RNF168: variants seen among roughly 807,000 people sequenced by gnomAD.
RNF168 encodes the protein ring finger protein 168, also known as E3 ubiquitin-protein ligase RNF168.
Under a neutral mutation model 34.9 loss-of-function variants are expected in RNF168, and 34 were observed. The ratio of observed to expected loss-of-function variants is 0.97; its 90% CI spans 0.74 to 1.30. RNF168 has a LOEUF of 1.30. Among genes scored for constraint, RNF168 ranks in the 50% most tolerant of loss-of-function variants. The probability of loss-of-function intolerance (pLI) is 0.00; values close to 1 mark genes in which losing one functional copy is unlikely to be tolerated. For missense variants in RNF168, 725 were observed against 682.5 expected, an observed-to-expected ratio of 1.06 and a Z score of -0.69; for synonymous variants, 264 against 254.7, an observed-to-expected ratio of 1.04 and a Z score of -0.35.
At chr3:196,476,439 C>T (rs185925702) in intron 4 of RNF168, among the ~76,000 whole-genome samples, 316 of 146,948 alleles carry the variant, frequency 2.2e-3, no homozygotes, top group African/African-American at 6.8e-3. Context: ...TTTTCTGAGA[C>T]GGAGTCTTGC....
intron 4 of RNF168, among the ~76,000 whole-genome samples, chr3:196,481,985 A>G (rs1217341620): frequency 7.5e-6 from 1 of 133,448 alleles, no homozygotes; most frequent in Non-Finnish European, 1.6e-5. Context: ...TTTTTTTTAG[A>G]GACAGGATCT....
chr3:196,487,548 C>T lies in RNF168; in HGVS notation c.409G>A (p.Glu137Lys), dbSNP rs946161793. Residue 137 changes from glutamate (E) to lysine (K), a missense_variant, in exon 3 of 6, where the codon GAA (glutamate) becomes AAA (lysine). Physicochemically the swap from Glu to Lys is moderately conservative, Grantham distance 56 (BLOSUM62 1). Transcript: ENST00000318037. ...VAAERRASEE[E>K]ENKASEEYIQ... ...TATTCTTCACTGGCTTTGTTTTCTTCTTCCTCGCTGGCCCGTCGCTCTGCC... is the reference window on the plus strand; with the variant it reads ...TATTCTTCACTGGCTTTGTTTTCTTTTTCCTCGCTGGCCCGTCGCTCTGCC... 1 of 1,614,092 alleles carries T rather than the reference C, an allele frequency of 6.2e-7. No homozygotes were observed. The highest frequency in any genetic ancestry group is 1.3e-5 in the African/African-American group (1 of 74,916).
chr3:196,472,212 T>C lies in RNF168; in HGVS notation c.1323A>G (p.Lys441=), dbSNP rs1460435867. Residue 441 remains lysine, a synonymous_variant, in exon 6 of 6, where the codon AAA becomes AAG. Coordinates refer to ENST00000318037, the MANE Select transcript of RNF168 (RefSeq NM_152617.4). ...DLEHLLFERH[K]QEEQDRLLAL... ...CCAATAACCTGTCCTGTTCTTCTTGTTTATGTCTCTCAAACAGTAGATGCT... is the reference window on the plus strand; with the variant it reads ...CCAATAACCTGTCCTGTTCTTCTTGCTTATGTCTCTCAAACAGTAGATGCT... The C allele has an allele frequency of 6.2e-7, 1 of 1,614,048 alleles. No individual in the cohort carries two copies. The highest frequency in any genetic ancestry group is 8.5e-7 in the Non-Finnish European group (1 of 1,179,922).
At chr3:196,496,121 A>T (rs1028393925) in intron 1 of RNF168, among the ~76,000 whole-genome samples, 5 of 152,334 alleles carry the variant, frequency 3.3e-5, no homozygotes, top group Non-Finnish European at 4.4e-5. Context: ...AAAATTTTTT[A>T]AAATTTACTT....
In RNF168 at chr3:196,484,171, C is replaced by CTTT. The variant is rs71699491; in HGVS notation, c.559-283_559-281dup. On this transcript the variant is annotated intron_variant, in intron 3 of 5. Coordinates refer to ENST00000318037, the MANE Select transcript of RNF168 (RefSeq NM_152617.4). ...GATAATTCCTGTTGATCTTTCTTTCCTTTTTTTTTTTTTTTTTGAGACGCA... is the reference window on the plus strand; with the variant it reads ...GATAATTCCTGTTGATCTTTCTTTCCTTTTTTTTTTTTTTTTTTTTGAGACGCA... 2.8e-4 allele frequency among the ~76,000 whole-genome samples: 34 copies of CTTT among 119,456 alleles called. 5 individuals are homozygous for CTTT. In the South Asian group the frequency reaches 4.3e-3, roughly 15 times the overall value. The allele number at this position is 119,456 out of a possible 152,430, so 78.4% of individuals were successfully genotyped here. A position where few individuals can be genotyped will look rare whatever the true frequency, so the allele number is the denominator to read the frequency against.
At chr3:196,492,874 T>C (rs1006962277) in intron 1 of RNF168, among the ~76,000 whole-genome samples, 5 of 152,120 alleles carry the variant, frequency 3.3e-5, no homozygotes, top group African/African-American at 1.2e-4. Flanking sequence ...TATATCAATG[T>C]GGCTGTATTA....
At position 196,471,029 on chromosome 3, in the gene RNF168, A is replaced by AC. The variant is rs1731986399; in HGVS notation, c.*789_*790insG. On this transcript the variant is annotated 3_prime_UTR_variant, in exon 6 of 6. Coordinates refer to ENST00000318037, the MANE Select transcript of RNF168 (RefSeq NM_152617.4). Reference sequence around the variant, plus strand: ...CCCATCTCTACTAAAAGTACAAAAAAAAAAAAAAATTAGCTGGGTAGCTGG... The same window carrying AC: ...CCCATCTCTACTAAAAGTACAAAAAACAAAAAAAAATTAGCTGGGTAGCTGG... 6.6e-6 allele frequency: 1 copy of AC among 150,686 alleles called. No homozygotes were observed. Among genetic ancestry groups the AC allele is most frequent in the African/African-American group, 2.4e-5 (1 of 40,936 alleles). 9.3% of individuals were successfully genotyped at this position (150,686 alleles called of 1,614,324 possible).
intron 1 of RNF168, among the ~76,000 whole-genome samples, chr3:196,495,855 T>C (rs1312080253): frequency 6.6e-6 from 1 of 152,246 alleles, no homozygotes; most frequent in Non-Finnish European, 1.5e-5. Context: ...TTAGACATTC[T>C]AAGGCTGATT....
rs1732951453 is a variant in RNF168, at chr3:196,503,304, G to A, written c.-131C>T. Reference sequence around the variant, plus strand: ...ATGCCCAGAAGCGTATCAGAATTCGGAGAACAGGAGCATCCAACACGTCTT... The same window carrying A: ...ATGCCCAGAAGCGTATCAGAATTCGAAGAACAGGAGCATCCAACACGTCTT... On this transcript the variant is annotated 5_prime_UTR_variant, in exon 1 of 6. Transcript: ENST00000318037. 3.7e-6 allele frequency: 3 copies of A among 810,924 alleles called. No homozygotes were observed. The highest frequency in any genetic ancestry group is 6.2e-6 in the Non-Finnish European group (3 of 483,758). The allele number at this position is 810,924 out of a possible 1,614,324, so 50.2% of individuals were successfully genotyped here. A position where few individuals can be genotyped will look rare whatever the true frequency, so the allele number is the denominator to read the frequency against.
chr3:196,471,489 G>A lies in RNF168; in HGVS notation c.*330C>T, dbSNP rs1233017916. On this transcript the variant is annotated 3_prime_UTR_variant, in exon 6 of 6. Coordinates refer to ENST00000318037, the MANE Select transcript of RNF168 (RefSeq NM_152617.4). Reference sequence around the variant, plus strand: ...TGATTACCAGTCACGACAAAAAGGTGAGCAAAGGCCATAAAACATGCAGTT... The same window carrying A: ...TGATTACCAGTCACGACAAAAAGGTAAGCAAAGGCCATAAAACATGCAGTT... 3.4e-6 allele frequency: 1 copy of A among 294,080 alleles called. No individual in the cohort carries two copies. Among genetic ancestry groups the A allele is most frequent in the African/African-American group, 2.2e-5 (1 of 46,400 alleles). 18.2% of individuals were successfully genotyped at this position (294,080 alleles called of 1,614,324 possible).
rs2108643512 is a variant in RNF168 at position 196,471,394 on chromosome 3, C to A, written c.*425G>T. 6.1e-6 allele frequency: 1 copy of A among 163,652 alleles called. No individual in the cohort carries two copies. The allele number at this position is 163,652 out of a possible 1,614,324, so 10.1% of individuals were successfully genotyped here. A position where few individuals can be genotyped will look rare whatever the true frequency, so the allele number is the denominator to read the frequency against. On this transcript the variant is annotated 3_prime_UTR_variant, in exon 6 of 6. Coordinates refer to ENST00000318037, the MANE Select transcript of RNF168 (RefSeq NM_152617.4). ...TTTTGAGTACTCTGTAAACATTGGACAATAGCAAGAAAATGGATTTTAAAC... is the reference window on the plus strand; with the variant it reads ...TTTTGAGTACTCTGTAAACATTGGAAAATAGCAAGAAAATGGATTTTAAAC...
At chr3:196,493,633 C>T (rs1267946909) in intron 1 of RNF168, among the ~76,000 whole-genome samples, 1 of 152,166 alleles carries the variant, frequency 6.6e-6, no homozygotes, top group African/African-American at 2.4e-5. Flanking sequence ...TCAAGCAATT[C>T]TCCTGCCTCA....
intron 3 of RNF168, among the ~76,000 whole-genome samples, chr3:196,485,835 G>A (rs189386896): frequency 6.6e-6 from 1 of 152,162 alleles, no homozygotes; most frequent in East Asian, 1.9e-4. Flanking sequence ...TGTATGTTAA[G>A]ATATTCGTTG....
intron 4 of RNF168, among the ~76,000 whole-genome samples, chr3:196,481,523 G>C (rs562068955): frequency 6.6e-6 from 1 of 151,884 alleles, no homozygotes; most frequent in South Asian, 2.1e-4. Flanking sequence ...TCCTTCAACA[G>C]GTTAAGAAAG....
intron 4 of RNF168, among the ~76,000 whole-genome samples, chr3:196,479,070 G>A (rs748360835): frequency 2.7e-5 from 4 of 149,062 alleles, no homozygotes; most frequent in Non-Finnish European, 4.4e-5. Flanking sequence ...GAGTGCAGTG[G>A]TGCAGTCTCA....
At position 196,503,241 on chromosome 3, in the gene RNF168, CCA is replaced by C; in HGVS notation, c.-70_-69del. On this transcript the variant is annotated 5_prime_UTR_variant, in exon 1 of 6. Transcript: ENST00000318037. Reference sequence around the variant, plus strand: ...GAAAAAGAATCCTATTTTCGGCCAACCACAGAGAGAGCAAAAGCAGTTTTGTG... The same window carrying C: ...GAAAAAGAATCCTATTTTCGGCCAACCAGAGAGAGCAAAAGCAGTTTTGTG... The C allele has an allele frequency of 7.0e-7, 1 of 1,419,182 alleles. No homozygotes were observed. The highest frequency in any genetic ancestry group is 9.9e-7 in the Non-Finnish European group (1 of 1,007,004). The allele number at this position is 1,419,182 out of a possible 1,614,324, so 87.9% of individuals were successfully genotyped here. A position where few individuals can be genotyped will look rare whatever the true frequency, so the allele number is the denominator to read the frequency against.
Position 196,489,696 on chromosome 3 carries a change from A to G in RNF168, c.302-1013T>C, listed in dbSNP as rs117325198. ...ATGAAATAGAGATAATTGATACAGC[A>G]GAAATGAAGGAAAAGAAATCCTTGA... On this transcript the variant is annotated intron_variant, in intron 1 of 5. Transcript: ENST00000318037. Among the ~76,000 whole-genome samples the G allele has an allele frequency of 2.8e-3, 421 of 152,346 alleles. 23 individuals are homozygous for G. In the South Asian group the frequency reaches 0.071, roughly 26 times the overall value.
rs1294175426 is a variant in RNF168, at chr3:196,497,448, G to A, written c.301+5425C>T. On this transcript the variant is annotated intron_variant, in intron 1 of 5. Transcript: ENST00000318037. Reference sequence around the variant, plus strand: ...GCACTTTGGGAGGCCAAGGCAGGCGGATCACGAGGTCAGGACTTCAAGACC... The same window carrying A: ...GCACTTTGGGAGGCCAAGGCAGGCGAATCACGAGGTCAGGACTTCAAGACC... Among the ~76,000 whole-genome samples, 4 of 152,142 alleles carry A rather than the reference G, an allele frequency of 2.6e-5. No homozygotes were observed. In the South Asian group the frequency reaches 8.3e-4, roughly 32 times the overall value.
At chr3:196,473,445 A>G (rs1732061963) in intron 5 of RNF168, among the ~76,000 whole-genome samples, 2 of 152,236 alleles carry the variant, frequency 1.3e-5, no homozygotes, top group African/African-American at 4.8e-5. Context: ...CTAATAACTC[A>G]TAATACCCAA....
Sources: allele counts gnomAD v4.1 joint callset (sites outside exome capture counted in the v4.1 genomes callset), GRCh38; gene constraint gnomAD v4.1.1; transcripts MANE v1.5; gene names NCBI Gene and HGNC (gene_info 2026-07-23, HGNC 2026-07-21).